PPP2R2C: variants seen among roughly 807,000 people sequenced by gnomAD.
PPP2R2C encodes protein phosphatase 2, regulatory subunit B, gamma.
PPP2R2C carries 10 observed loss-of-function variants against 45.3 expected under a neutral mutation model. The ratio of observed to expected loss-of-function variants is 0.22; its 90% CI spans 0.14 to 0.37. The LOEUF is 0.37. Among genes scored for constraint, PPP2R2C ranks in the 10% least tolerant of loss-of-function variants. The pLI is 1.00. For synonymous variants in PPP2R2C, 257 were observed against 245.4 expected, an observed-to-expected ratio of 1.05 and a Z score of -0.44; for missense variants, 308 against 619.7, an observed-to-expected ratio of 0.50 and a Z score of 5.34.
rs1714073377 is a variant in PPP2R2C at position 6,364,294 on chromosome 4, A to G, written c.625+8229T>C. The stretch of plus-strand genomic sequence containing the variant: ...TGGCTCTGCTGCAGGAGATGGCTGG[A>G]AATATGGTGAAGAGCAGGGGGCCGG... On this transcript the variant is annotated intron_variant, in intron 5 of 8. Coordinates refer to ENST00000382599, the MANE Select transcript of PPP2R2C (RefSeq NM_020416.4). The surrounding 1 kb of genome is among the most constrained non-coding windows in gnomAD (Gnocchi z 5.3). Among the ~76,000 whole-genome samples, 1 of 152,122 alleles carries G rather than the reference A, an allele frequency of 6.6e-6. No individual in the cohort carries two copies. Among genetic ancestry groups the G allele is most frequent in the Non-Finnish European group, 1.5e-5 (1 of 68,008 alleles).
At chr4:6,381,930 A>C (rs1715828814) in intron 1 of PPP2R2C, 1 of 1,555,784 alleles carries the variant, frequency 6.4e-7, no homozygotes, top group Non-Finnish European at 8.7e-7. Context: ...AGTCACAGAG[A>C]TGAGTGGCCT....
chr4:6,414,059 A>G (rs1028985205), intron 1 of PPP2R2C: 17 of 1,490,180 alleles, frequency 1.1e-5, no homozygotes, highest in African/African-American at 4.2e-5. Flanking sequence ...GGACAGTAAC[A>G]TAAGTTTTGC....
In PPP2R2C at chr4:6,471,159, G is replaced by A. The variant is rs1721855467; in HGVS notation, c.70+1001C>T. Among the ~76,000 whole-genome samples, 1 of 152,130 alleles carries A rather than the reference G, an allele frequency of 6.6e-6. No individual in the cohort carries two copies. On this transcript the variant is annotated intron_variant, in intron 1 of 8. Coordinates refer to ENST00000382599, the MANE Select transcript of PPP2R2C (RefSeq NM_020416.4). The surrounding 1 kb of genome is among the most constrained non-coding windows in gnomAD (Gnocchi z 5.6). ...ACCCGTGCCCAGGGCCCCTCCCACT[G>A]GGGCACCCACCCGGGGAATCCGCGC...
At chr4:6,443,002 C>T (rs1325280727) in intron 1 of PPP2R2C, among the ~76,000 whole-genome samples, 1 of 152,226 alleles carries the variant, frequency 6.6e-6, no homozygotes, top group Non-Finnish European at 1.5e-5. Context: ...ACCTAAATGA[C>T]TACTTCACAG....
chr4:6,481,622 T>C (rs1226256815), intron 2 of PPP2R2C, among the ~76,000 whole-genome samples: 1 of 152,142 alleles, frequency 6.6e-6, no homozygotes, highest in Non-Finnish European at 1.5e-5. Flanking sequence ...ATCAAAATTG[T>C]CTTGGTTATT....
rs1027970824 is a variant in PPP2R2C at position 6,345,364 on chromosome 4, C to T, written c.790+2482G>A. On this transcript the variant is annotated intron_variant, in intron 6 of 8. Coordinates refer to ENST00000382599, the MANE Select transcript of PPP2R2C (RefSeq NM_020416.4). This position sits in a 1 kb window ranked among gnomAD's most constrained non-coding sequence, Gnocchi z 5.3. ...GTGGAACGGCCCCCAGAGACGGCTG[C>T]GTCCTGATCCCTAGCACCTGTGACT... 1.2e-4 allele frequency among the ~76,000 whole-genome samples: 18 copies of T among 152,144 alleles called. No individual in the cohort carries two copies. Among genetic ancestry groups the T allele is most frequent in the South Asian group, 4.1e-4 (2 of 4,822 alleles).
intron 2 of PPP2R2C, among the ~76,000 whole-genome samples, chr4:6,490,004 AGTTTG>A (rs1233428423): frequency 6.6e-6 from 1 of 152,238 alleles, no homozygotes; most frequent in Non-Finnish European, 1.5e-5. Flanking sequence ...ATGATCGAGC[AGTTTG>A]GCCCAGGAGG....
rs1577061135 is a variant in PPP2R2C, at chr4:6,321,582, T to A, written c.*1720A>T. On this transcript the variant is annotated 3_prime_UTR_variant, in exon 9 of 9. Transcript: ENST00000382599. ...CTTTGTGCTTTTACACACACAAAAG[T>A]ATACTGTAATCCACTGAGAATAACC... is the stretch of plus-strand genomic sequence containing the variant. The A allele has an allele frequency of 6.6e-6, 1 of 152,420 alleles. No homozygotes were observed. The highest frequency in any genetic ancestry group is 1.5e-5 in the Non-Finnish European group (1 of 68,042). 9.4% of individuals were successfully genotyped at this position (152,420 alleles called of 1,614,324 possible). A position where few individuals can be genotyped will look rare whatever the true frequency, so the allele number is the denominator to read the frequency against.
At chr4:6,327,952 G>T (rs1030465714) in intron 8 of PPP2R2C, among the ~76,000 whole-genome samples, 1 of 151,364 alleles carries the variant, frequency 6.6e-6, no homozygotes, top group Non-Finnish European at 1.5e-5. Context: ...GCTCCCTCCT[G>T]GTCCTGTCTC....
chr4:6,555,169 T>G (rs1180642943), intron 1 of PPP2R2C, among the ~76,000 whole-genome samples: 1 of 152,014 alleles, frequency 6.6e-6, no homozygotes, highest in African/African-American at 2.4e-5. Flanking sequence ...TTATAAGGGC[T>G]CCACCCTCTT....
chr4:6,444,833 C>T (rs1183214532), intron 1 of PPP2R2C, among the ~76,000 whole-genome samples: 2 of 152,202 alleles, frequency 1.3e-5, no homozygotes, highest in African/African-American at 4.8e-5. Flanking sequence ...GACACACAAG[C>T]AGGTGGCAGG....
At chr4:6,406,705 C>T (rs543912733) in intron 1 of PPP2R2C, among the ~76,000 whole-genome samples, 7 of 152,096 alleles carry the variant, frequency 4.6e-5, no homozygotes, top group African/African-American at 1.2e-4. Flanking sequence ...TGCAGTGAGC[C>T]GAGATCGCAC....
chr4:6,529,827 C>T (rs894929319), intron 2 of PPP2R2C, among the ~76,000 whole-genome samples: 2 of 152,170 alleles, frequency 1.3e-5, no homozygotes, highest in African/African-American at 4.8e-5. Flanking sequence ...GGGTGAGGAC[C>T]ACTCACTTCT....
chr4:6,556,592 C>T (rs1296284205), intron 1 of PPP2R2C, among the ~76,000 whole-genome samples: 2 of 152,190 alleles, frequency 1.3e-5, no homozygotes, highest in Non-Finnish European at 2.9e-5. Flanking sequence ...ATACCTCATG[C>T]TCTGCAGTCA....
At chr4:6,546,161 G>T (rs1300394373) in intron 1 of PPP2R2C, among the ~76,000 whole-genome samples, 1 of 152,210 alleles carries the variant, frequency 6.6e-6, no homozygotes, top group Non-Finnish European at 1.5e-5. Context: ...TGGGAACTCT[G>T]CAAGGTCAGG....
At chr4:6,402,992 C>G (rs1278270451) in intron 1 of PPP2R2C, among the ~76,000 whole-genome samples, 2 of 152,228 alleles carry the variant, frequency 1.3e-5, no homozygotes, top group Non-Finnish European at 2.9e-5. Flanking sequence ...CTGCACGTCT[C>G]CCGGCTCACT....
Position 6,543,398 on chromosome 4 carries a change from C to CA in PPP2R2C, c.-58-8022dup, listed in dbSNP as rs375725675. On this transcript the variant is annotated intron_variant, in intron 1 of 9. Coordinates refer to the PPP2R2C transcript ENST00000506140. ...CAGGGCAGCCAATGAACATGGTCAC[C>CA]AAAAAAAAATGGCAATGGTTAAAAA... Among the ~76,000 whole-genome samples the CA allele has an allele frequency of 6.8e-3, 1,016 of 150,018 alleles. 6 individuals are homozygous for CA. The highest frequency in any genetic ancestry group is 0.02 in the African/African-American group (804 of 40,934).
chr4:6,520,359 C>A (rs1162915580), intron 2 of PPP2R2C, among the ~76,000 whole-genome samples: 1 of 150,492 alleles, frequency 6.6e-6, no homozygotes, highest in Non-Finnish European at 1.5e-5. Flanking sequence ...AAAAAAAGGG[C>A]AACTCTGTCC....
chr4:6,484,000 T>C (rs1241743652), intron 2 of PPP2R2C, among the ~76,000 whole-genome samples: 1 of 152,044 alleles, frequency 6.6e-6, no homozygotes, highest in Non-Finnish European at 1.5e-5. Flanking sequence ...GCTTCTTTCA[T>C]ACTACAATAG....
Sources: allele counts gnomAD v4.1 joint callset (sites outside exome capture counted in the v4.1 genomes callset), GRCh38; gene constraint gnomAD v4.1.1; non-coding constraint Gnocchi (gnomAD v3.1); transcripts MANE v1.5; gene names NCBI Gene and HGNC (gene_info 2026-07-23, HGNC 2026-07-21).